AZIN2: variants seen among roughly 807,000 people sequenced by gnomAD.
AZIN2 encodes ODC antizyme inhibitor-2.
A neutral mutation model predicts 47.8 loss-of-function variants in AZIN2; 28 were observed. That is an observed-to-expected ratio of 0.59 (90% CI 0.43 to 0.80). The LOEUF (loss-of-function observed/expected upper bound fraction) is 0.80, where lower values mean the gene tolerates loss of function less well. Among genes scored for constraint, AZIN2 ranks in the 30% least tolerant of loss-of-function variants. AZIN2 has a pLI of 0.00. For missense variants in AZIN2, 535 were observed against 582.5 expected (o/e 0.92, Z 0.84); for synonymous variants, 221 against 239.4 (o/e 0.92, Z 0.71).
At chr1:33,159,528 C>T in the AZIN2 span, among the ~76,000 whole-genome samples, 9 of 152,174 alleles carry the variant, frequency 5.9e-5, no homozygotes, top group Non-Finnish European at 1.3e-4. This position sits in a 1 kb window ranked among gnomAD's most constrained non-coding sequence, Gnocchi z 4.2. Flanking sequence ...ATACTCAAGG[C>T]TTCATGCTCC....
chr1:33,147,413 T>C, the AZIN2 span: 1 of 1,614,114 alleles, frequency 6.2e-7, no homozygotes, highest in Non-Finnish European at 8.5e-7. This position sits in a 1 kb window ranked among gnomAD's most constrained non-coding sequence, Gnocchi z 8.1. Flanking sequence ...GTGCAGGCGC[T>C]GTACTGGTTG....
chr1:33,101,915 C>A, intron 10 of AZIN2: 1 of 777,476 alleles, frequency 1.3e-6, no homozygotes, highest in Non-Finnish European at 2.4e-6. Flanking sequence ...GAGTATGCTG[C>A]AGTTTATTTG....
At chr1:33,155,990 G>A in the AZIN2 span, among the ~76,000 whole-genome samples, 1 of 152,196 alleles carries the variant, frequency 6.6e-6, no homozygotes, top group Non-Finnish European at 1.5e-5. Context: ...CATCAGAAGA[G>A]AATCCCCCAA....
Position 33,122,219 on chromosome 1 carries a change from A to C in AZIN2, c.*2037A>C, listed in dbSNP as rs1644807848. ...TGTGAAAAGCGCAGGAATCCTGGGA[A>C]GATCTCATGGCTGGCTACAGTGAGA... On this transcript the variant is annotated 3_prime_UTR_variant, in exon 12 of 12. Transcript: ENST00000294517. Among the ~76,000 whole-genome samples, 1 of 152,192 alleles carries C rather than the reference A, an allele frequency of 6.6e-6. No individual in the cohort carries two copies. The highest frequency in any genetic ancestry group is 2.4e-5 in the African/African-American group (1 of 41,462).
the AZIN2 span, chr1:33,159,852 C>G: frequency 1.9e-6 from 3 of 1,613,374 alleles, no homozygotes; most frequent in Non-Finnish European, 2.5e-6. The surrounding 1 kb of genome is among the most constrained non-coding windows in gnomAD (Gnocchi z 4.2). Flanking sequence ...CCGCCTCCAG[C>G]TCCTCTAGCA....
downstream of AZIN2, among the ~76,000 whole-genome samples, chr1:33,127,527 G>C (rs1242929019): frequency 1.3e-5 from 2 of 152,252 alleles, no homozygotes; most frequent in East Asian, 1.9e-4. Flanking sequence ...GGGTCAACCC[G>C]GGACTGAGGC....
chr1:33,137,034 G>C, the AZIN2 span, among the ~76,000 whole-genome samples: 2 of 151,924 alleles, frequency 1.3e-5, no homozygotes, highest in South Asian at 2.1e-4. Context: ...GCCAGTGCTT[G>C]TTGGGAGTGG....
chr1:33,085,882 A>G (rs2124470937), intron 5 of AZIN2, among the ~76,000 whole-genome samples: 1 of 152,344 alleles, frequency 6.6e-6, no homozygotes, highest in Middle Eastern at 3.4e-3. Context: ...TAGCAGAGCC[A>G]GGACGTCCTC....
intron 10 of AZIN2, 56 bp downstream of exon 10, chr1:33,098,235 T>C: frequency 7.8e-7 from 1 of 1,280,986 alleles, no homozygotes; most frequent in South Asian, 1.4e-5. Context: ...TTCAATAACA[T>C]TTGTTGTGTT....
rs1276278246 is a variant in AZIN2, at chr1:33,082,257, G to C, written c.8G>C (p.Gly3Ala). 6.2e-7 allele frequency: 1 copy of C among 1,613,836 alleles called. No individual in the cohort carries two copies. MA[G>A]YLSESDFVMV... is the part of the protein sequence containing the mutation. ...CAGCTCCTCCTGCAAGGCATGGCTG[G>C]CTACCTGAGTGAATCGGACTTTGTG... is the stretch of plus-strand genomic sequence containing the variant. The change falls in exon 4 of 12, where the codon GGC (glycine) becomes GCC (alanine). Residue 3 changes from glycine (G) to alanine (A), a missense_variant. By Grantham distance (60) the Gly-to-Ala change is moderately conservative (BLOSUM62 0). Coordinates refer to ENST00000294517, the MANE Select transcript of AZIN2 (RefSeq NM_052998.4).
At chr1:33,130,104 C>T in the AZIN2 span, among the ~76,000 whole-genome samples, 12 of 152,200 alleles carry the variant, frequency 7.9e-5, no homozygotes, top group Admixed American at 1.3e-4. Flanking sequence ...CGTGATCCAC[C>T]TGCCTTGGCC....
At chr1:33,152,851 G>A in the AZIN2 span, among the ~76,000 whole-genome samples, 2 of 152,170 alleles carry the variant, frequency 1.3e-5, no homozygotes, top group South Asian at 2.1e-4. Flanking sequence ...GCAGGGGGCG[G>A]GGAGAGCAGC....
chr1:33,089,561 G>T (rs968857656), intron 5 of AZIN2, among the ~76,000 whole-genome samples: 6 of 152,162 alleles, frequency 3.9e-5, no homozygotes, highest in Non-Finnish European at 8.8e-5. Flanking sequence ...AAAAACACAG[G>T]TCCACATCCA....
chr1:33,094,664 T>G lies in AZIN2; in HGVS notation c.704T>G (p.Leu235Arg). 6.2e-7 allele frequency: 1 copy of G among 1,614,140 alleles called. No individual in the cohort carries two copies. The highest frequency in any genetic ancestry group is 8.5e-7 in the Non-Finnish European group (1 of 1,180,018). Reference sequence around the variant, plus strand: ...GGTCACAAGATGCACGTTCTGGACCTTGGTGGTGGCTTCCCTGGCACAGAA... The same window carrying G: ...GGTCACAAGATGCACGTTCTGGACCGTGGTGGTGGCTTCCCTGGCACAGAA... ...ELGHKMHVLD[L>R]GGGFPGTEGA... Residue 235 changes from leucine to arginine, a missense_variant, in exon 8 of 12, where the codon CTT becomes CGT. Around this residue, in one of 3 missense-constraint regions of AZIN2, gnomAD observed 409 missense variants for 429.0 expected, o/e 0.95. Coordinates refer to ENST00000294517, the MANE Select transcript of AZIN2 (RefSeq NM_052998.4).
rs1413239772 is a variant in AZIN2, at chr1:33,100,242, G to A, written c.1029+2063G>A. On this transcript the variant is annotated intron_variant, in intron 10 of 11. Coordinates refer to ENST00000294517, the MANE Select transcript of AZIN2 (RefSeq NM_052998.4). ...AGGCTAAGGCAGGAGAGTAACCTGAGCCTGGGAGGCGGAGGTTGCAGTGAT... is the reference window on the plus strand; with the variant it reads ...AGGCTAAGGCAGGAGAGTAACCTGAACCTGGGAGGCGGAGGTTGCAGTGAT... Among the ~76,000 whole-genome samples, 3 of 151,796 alleles carry A rather than the reference G, an allele frequency of 2.0e-5. No individual in the cohort carries two copies. The East Asian group carries it at 5.8e-4, about 29-fold the overall frequency.
At position 33,082,322 on chromosome 1, in the gene AZIN2, G is replaced by A. The variant is rs746205265; in HGVS notation, c.73G>A (p.Glu25Lys). 4 of 1,614,008 alleles carry A rather than the reference G, an allele frequency of 2.5e-6. No homozygotes were observed. The highest frequency in any genetic ancestry group is 2.5e-6 in the Non-Finnish European group (3 of 1,179,962). The change falls in exon 4 of 12, where the codon GAA becomes AAA. Residue 25 changes from glutamate (E) to lysine (K), a missense_variant. Around this residue, in one of 3 missense-constraint regions of AZIN2, gnomAD observed 409 missense variants for 429.0 expected, o/e 0.95. Transcript: ENST00000294517. ...EGFSTRDLLK[E>K]LTLGASQATT... ...CTTCAGTACCCGAGACCTGCTGAAG[G>A]AACTCACTCTGGGGGCCTCACAGGC... is the stretch of plus-strand genomic sequence containing the variant.
chr1:33,112,434 C>T (rs932658633), intron 10 of AZIN2, among the ~76,000 whole-genome samples: 3 of 152,050 alleles, frequency 2.0e-5, no homozygotes, highest in African/African-American at 7.2e-5. Context: ...GTATTGTGAA[C>T]TTGTAGAGAT....
At chr1:33,111,636 C>CT (rs960015376) in intron 10 of AZIN2, among the ~76,000 whole-genome samples, 4 of 149,332 alleles carry the variant, frequency 2.7e-5, no homozygotes, top group African/African-American at 9.9e-5. Flanking sequence ...GAGACGGAGT[C>CT]TTTTTCTGTC....
At chr1:33,128,095 A>G (rs115082688), downstream of AZIN2, among the ~76,000 whole-genome samples, 758 of 151,766 alleles carry the variant, frequency 5.0e-3, 8 homozygotes, top group African/African-American at 0.017. Context: ...TGGGCACGGT[A>G]GCTCACACCT....
Sources: gnomAD v4.1 joint callset for allele counts (sites outside exome capture counted in the v4.1 genomes callset) on GRCh38, gnomAD v4.1.1 for gene constraint, gnomAD v4.1.1 regional missense constraint, Gnocchi (gnomAD v3.1) non-coding constraint, MANE v1.5 for transcripts, NCBI Gene and HGNC (gene_info 2026-07-23, HGNC 2026-07-21) for gene names.